ATP13A3: variants seen among roughly 807,000 people sequenced by gnomAD.
The protein encoded by ATP13A3 is ATPase 13A3, also known as polyamine-transporting ATPase 13A3.
A neutral mutation model predicts 158.1 loss-of-function variants in ATP13A3; 59 were observed. The observed-to-expected ratio is 0.37, with a 90% CI of 0.30 to 0.46. The LOEUF (loss-of-function observed/expected upper bound fraction) is 0.46. Ranked by LOEUF, ATP13A3 falls within the 20% of genes least tolerant of loss-of-function variation. The pLI is 1.00. For synonymous variants in ATP13A3, 491 were observed against 504.3 expected (o/e 0.97, Z 0.35); for missense variants, 1,166 against 1,525.2 (o/e 0.76, Z 3.92).
At chr3:194,462,569 C>A (rs1719738048) in intron 2 of ATP13A3, among the ~76,000 whole-genome samples, 2 of 152,230 alleles carry the variant, frequency 1.3e-5, no homozygotes, top group Admixed American at 6.5e-5. Context: ...CCGAAACCAT[C>A]CCTCCCCACC....
intron 33 of ATP13A3, among the ~76,000 whole-genome samples, chr3:194,409,686 G>A (rs1042853409): frequency 3.6e-5 from 4 of 111,706 alleles, no homozygotes; most frequent in African/African-American, 5.1e-5. Flanking sequence ...AATCACTGAC[G>A]TAAAGAATTT....
At chr3:194,440,204 A>C (rs1219098563) in intron 16 of ATP13A3, among the ~76,000 whole-genome samples, 1 of 152,206 alleles carries the variant, frequency 6.6e-6, no homozygotes, top group African/African-American at 2.4e-5. Flanking sequence ...AACGGGAACG[A>C]AACAGTAGCC....
At chr3:194,414,705 TAGAC>T (rs1450118061) in intron 31 of ATP13A3, among the ~76,000 whole-genome samples, 1 of 151,940 alleles carries the variant, frequency 6.6e-6, no homozygotes, top group East Asian at 1.9e-4. Flanking sequence ...CACAGATAAA[TAGAC>T]ACACACGCAT....
intron 6 of ATP13A3, among the ~76,000 whole-genome samples, chr3:194,457,542 C>T (rs1560103964): frequency 6.6e-6 from 1 of 152,080 alleles, no homozygotes; most frequent in Non-Finnish European, 1.5e-5. Context: ...GAATTCTAAA[C>T]CAAAGATGAA....
intron 30 of ATP13A3, among the ~76,000 whole-genome samples, chr3:194,420,825 T>C (rs1716235859): frequency 6.6e-6 from 1 of 151,804 alleles, no homozygotes; most frequent in Non-Finnish European, 1.5e-5. Flanking sequence ...TTTTTTCCCC[T>C]TTTCCTTTGA....
At position 194,486,566 on chromosome 3, in the gene ATP13A3, CGGGGCCGCTCACT is replaced by C. The variant is rs1438217130; in HGVS notation, c.-102_-90del. The C allele has an allele frequency of 6.6e-6, 1 of 151,514 alleles. No homozygotes were observed. Among genetic ancestry groups the C allele is most frequent in the African/African-American group, 2.4e-5 (1 of 41,222 alleles). The allele number at this position is 151,514 out of a possible 1,614,324, so 9.4% of individuals were successfully genotyped here. A position where few individuals can be genotyped will look rare whatever the true frequency, so the allele number is the denominator to read the frequency against. Reference sequence around the variant, plus strand: ...CCCACCCGCCCCTCGCCCCGCTCACCGGGGCCGCTCACTGGCCGCCGCCGCGCCGCCTCCTCCG... The same window carrying C: ...CCCACCCGCCCCTCGCCCCGCTCACCGGCCGCCGCCGCGCCGCCTCCTCCG... On this transcript the variant is annotated splice_region_variant and 5_prime_UTR_variant, in exon 1 of 34. Transcript: ENST00000645319.
chr3:194,458,992 TTA>T (rs1259409704), intron 6 of ATP13A3: 2 of 154,040 alleles, frequency 1.3e-5, no homozygotes, highest in Non-Finnish European at 2.9e-5. Flanking sequence ...TAATGTGTAC[TTA>T]TATAACTTAA....
rs760887223 is a variant in ATP13A3 at position 194,450,266 on chromosome 3, T to C, written c.849A>G (p.Glu283=). ...CTGGCACAAGGTCGGTAGAAAAGATTTCTTCTATTTCTGAAATTAAAGAAA... is the reference window on the plus strand; with the variant it reads ...CTGGCACAAGGTCGGTAGAAAAGATCTCTTCTATTTCTGAAATTAAAGAAA... ...SVCRVNEEIE[E]IFSTDLVPGD... Residue 283 remains glutamate, a synonymous_variant, in exon 11 of 34, where the codon GAA becomes GAG. Transcript: ENST00000645319. 2.5e-6 allele frequency: 4 copies of C among 1,610,920 alleles called. No individual in the cohort carries two copies. The highest frequency in any genetic ancestry group is 2.5e-6 in the Non-Finnish European group (3 of 1,178,186).
intron 8 of ATP13A3, among the ~76,000 whole-genome samples, chr3:194,455,590 TAA>T (rs1010530017): frequency 3.9e-5 from 6 of 152,278 alleles, no homozygotes; most frequent in African/African-American, 1.4e-4. Context: ...CTTCTACTCC[TAA>T]AAGTGTTCAC....
chr3:194,438,452 C>T (rs1717816957), intron 17 of ATP13A3, among the ~76,000 whole-genome samples: 1 of 152,208 alleles, frequency 6.6e-6, no homozygotes, highest in South Asian at 2.1e-4. Context: ...GATTAACCAC[C>T]AGCTGTATAA....
chr3:194,480,347 T>A (rs1289649260), intron 2 of ATP13A3, among the ~76,000 whole-genome samples: 1 of 152,172 alleles, frequency 6.6e-6, no homozygotes, highest in Non-Finnish European at 1.5e-5. Flanking sequence ...GACTGTTAAG[T>A]TTTTAGCCAC....
intron 29 of ATP13A3, among the ~76,000 whole-genome samples, chr3:194,425,893 C>G (rs1291202832): frequency 6.6e-6 from 1 of 152,212 alleles, no homozygotes; most frequent in East Asian, 1.9e-4. Context: ...TTCACTCTCC[C>G]TGAGCCTACC....
rs1012715624 is a variant in ATP13A3 at position 194,462,209 on chromosome 3, G to T, written c.-19C>A. 7 of 1,610,780 alleles carry T rather than the reference G, an allele frequency of 4.3e-6. No homozygotes were observed. In the African/African-American group the frequency reaches 9.4e-5, roughly 22 times the overall value. The stretch of plus-strand genomic sequence containing the variant: ...TGTCCATACCTACAGTGGATTAAAG[G>T]TCCAGTGCTTCAAACAATGGAAGAT... On this transcript the variant is annotated 5_prime_UTR_variant, in exon 3 of 34. Transcript: ENST00000645319.
chr3:194,450,328 A>G (rs1248130468), intron 10 of ATP13A3, 52 bp from the exon 11 acceptor site: 1 of 1,531,518 alleles, frequency 6.5e-7, no homozygotes, highest in South Asian at 1.2e-5. Flanking sequence ...TTTACCTTGG[A>G]AAAATACAGC....
Position 194,413,814 on chromosome 3 carries a change from C to G in ATP13A3, c.3428G>C (p.Arg1143Pro). The change falls in exon 32 of 34, where the codon CGT becomes CCT. Residue 1143 changes from arginine to proline, a missense_variant. Arg to Pro is a moderately radical substitution (Grantham distance 103). This residue lies in a region of ATP13A3 where 997 missense variants were observed against 1,341.2 expected (regional missense o/e 0.74). Transcript: ENST00000645319. ...AAGAACAATGATGAGCATAGTTACA[C>G]GCCACTGATATGGTACACACACTAT... ...LQIVCVPYQWRVTMLIIVLVN... is the reference protein window; with the variant it reads ...LQIVCVPYQWPVTMLIIVLVN... 1 of 1,613,946 alleles carries G rather than the reference C, an allele frequency of 6.2e-7. No homozygotes were observed. Among genetic ancestry groups the G allele is most frequent in the Non-Finnish European group, 8.5e-7 (1 of 1,179,858 alleles).
At chr3:194,438,254 A>C (rs1241583431) in intron 17 of ATP13A3, among the ~76,000 whole-genome samples, 1 of 152,206 alleles carries the variant, frequency 6.6e-6, no homozygotes, top group Non-Finnish European at 1.5e-5. Flanking sequence ...AATAAGATAA[A>C]GTGGTGTTTA....
chr3:194,472,530 A>C (rs1720351066), intron 2 of ATP13A3, among the ~76,000 whole-genome samples: 1 of 152,226 alleles, frequency 6.6e-6, no homozygotes, highest in Admixed American at 6.5e-5. Context: ...TTACAACAAG[A>C]CTTAAGAAAT....
At chr3:194,468,214 C>T (rs1418086150) in intron 2 of ATP13A3, 1 of 152,056 alleles carries the variant, frequency 6.6e-6, no homozygotes, top group African/African-American at 2.4e-5. Flanking sequence ...ATCTGTCACT[C>T]GTAGAGCTCC....
intron 32 of ATP13A3, 58 bp from the exon 33 acceptor site, chr3:194,412,346 GTGCACCTTTTTAAAAAA>G: frequency 7.6e-7 from 1 of 1,319,562 alleles, no homozygotes; most frequent in Non-Finnish European, 1.1e-6. Flanking sequence ...TTTTATTAAT[GTGCACCTTTTTAAAAAA>G]TCACACATGC....
Sources: allele counts gnomAD v4.1 joint callset (sites outside exome capture counted in the v4.1 genomes callset), GRCh38; gene constraint gnomAD v4.1.1; regional missense constraint gnomAD v4.1.1; transcripts MANE v1.5; gene names NCBI Gene and HGNC (gene_info 2026-07-23, HGNC 2026-07-21).